RAPGEF6: variants seen among roughly 807,000 people sequenced by gnomAD.
RAPGEF6 encodes Rap guanine nucleotide exchange factor 6.
Under a neutral mutation model 171.4 loss-of-function variants are expected in RAPGEF6, and 56 were observed. That is an observed-to-expected ratio of 0.33 (90% CI 0.26 to 0.41). The LOEUF is 0.41. RAPGEF6 is among the 10% of genes least tolerant of loss of function. The probability of loss-of-function intolerance (pLI) is 1.00; values close to 1 mark genes in which losing one functional copy is unlikely to be tolerated. For missense variants in RAPGEF6, 1,674 were observed against 1,921.4 expected, an observed-to-expected ratio of 0.87 and a Z score of 2.41; for synonymous variants, 692 against 650.1, an observed-to-expected ratio of 1.06 and a Z score of -0.98.
intron 6 of RAPGEF6, among the ~76,000 whole-genome samples, chr5:131,523,962 C>T (rs1554078646): frequency 6.6e-6 from 1 of 152,096 alleles, no homozygotes; most frequent in Non-Finnish European, 1.5e-5. Context: ...AGCAATTAAA[C>T]TGACAGCTGG....
chr5:131,606,306 G>A (rs929798778), intron 1 of RAPGEF6, among the ~76,000 whole-genome samples: 1 of 147,750 alleles, frequency 6.8e-6, no homozygotes. Context: ...AGAAGTTGCA[G>A]TGAGCCGAGA....
At chr5:131,556,453 T>C (rs1394106861) in intron 5 of RAPGEF6, among the ~76,000 whole-genome samples, 1 of 151,936 alleles carries the variant, frequency 6.6e-6, no homozygotes, top group East Asian at 1.9e-4. Flanking sequence ...ACACCAACAA[T>C]GAGACAACTG....
At chr5:131,574,409 G>C (rs1330244110) in intron 4 of RAPGEF6, among the ~76,000 whole-genome samples, 11 of 152,142 alleles carry the variant, frequency 7.2e-5, no homozygotes, top group Admixed American at 7.2e-4. Context: ...TCTTACAGTG[G>C]AGGGTAAGTC....
At chr5:131,601,954 G>A (rs1210753414) in intron 3 of RAPGEF6, among the ~76,000 whole-genome samples, 2 of 149,996 alleles carry the variant, frequency 1.3e-5, no homozygotes, top group Non-Finnish European at 2.9e-5. Context: ...AGAATGGCAC[G>A]AACCCAGGAG....
intron 22 of RAPGEF6, among the ~76,000 whole-genome samples, chr5:131,445,815 G>A (rs192518064): frequency 1.8e-4 from 28 of 152,050 alleles, no homozygotes; most frequent in African/African-American, 6.8e-4. Context: ...TAGGTTTCTA[G>A]GTGTGACCCA....
intron 4 of RAPGEF6, among the ~76,000 whole-genome samples, chr5:131,576,244 C>T (rs950598729): frequency 6.6e-5 from 10 of 152,270 alleles, no homozygotes; most frequent in Admixed American, 1.3e-4. Context: ...AAGGCCCAAT[C>T]GTTAGTCATC....
At position 131,423,988 on chromosome 5, in the gene RAPGEF6, A is replaced by G. The variant is rs1164695549; in HGVS notation, c.*3278T>C. On this transcript the variant is annotated 3_prime_UTR_variant, in exon 28 of 28. Transcript: ENST00000509018. ...TATGATAATAATAAATGGTATTTTT[A>G]CATTCTCTTAACCAAAAATATAACA... The G allele has an allele frequency of 6.6e-6, 1 of 152,332 alleles. No individual in the cohort carries two copies. Among genetic ancestry groups the G allele is most frequent in the East Asian group, 1.9e-4 (1 of 5,304 alleles). The allele number at this position is 152,332 out of a possible 1,614,324, so 9.4% of individuals were successfully genotyped here. A position where few individuals can be genotyped will look rare whatever the true frequency, so the allele number is the denominator to read the frequency against.
At chr5:131,438,285 C>A (rs1752151238) in intron 24 of RAPGEF6, among the ~76,000 whole-genome samples, 1 of 152,176 alleles carries the variant, frequency 6.6e-6, no homozygotes, top group African/African-American at 2.4e-5. Context: ...GGAAACCTGA[C>A]CGTATAAATA....
chr5:131,471,334 C>T (rs899132967), intron 17 of RAPGEF6, among the ~76,000 whole-genome samples: 1 of 152,128 alleles, frequency 6.6e-6, no homozygotes, highest in African/African-American at 2.4e-5. Context: ...AAGGAAGAAA[C>T]CATGTGCAGA....
At chr5:131,540,871 T>A (rs1760088766) in intron 6 of RAPGEF6, among the ~76,000 whole-genome samples, 2 of 152,152 alleles carry the variant, frequency 1.3e-5, no homozygotes, top group Non-Finnish European at 2.9e-5. Flanking sequence ...ATATTAAAAA[T>A]TCAATTCACA....
At chr5:131,589,532 T>C (rs1243222735) in intron 4 of RAPGEF6, among the ~76,000 whole-genome samples, 1 of 152,228 alleles carries the variant, frequency 6.6e-6, no homozygotes, top group Non-Finnish European at 1.5e-5. Flanking sequence ...CAAGTGTGTT[T>C]AGAAGCATTC....
intron 7 of RAPGEF6, among the ~76,000 whole-genome samples, chr5:131,519,469 T>C (rs1466145035): frequency 1.3e-5 from 2 of 152,148 alleles, no homozygotes; most frequent in Admixed American, 6.5e-5. Context: ...TGGCATGCTC[T>C]TGGCTTGCTG....
In RAPGEF6 at chr5:131,464,197, T is replaced by C. The variant is rs780537141; in HGVS notation, c.2324A>G (p.Glu775Gly). 13 of 1,613,870 alleles carry C rather than the reference T, an allele frequency of 8.1e-6. No individual in the cohort carries two copies. Among genetic ancestry groups the C allele is most frequent in the Non-Finnish European group, 1.1e-5 (13 of 1,179,822 alleles). Residue 775 changes from glutamate (E) to glycine (G), a missense_variant, in exon 18 of 28, where the codon GAA (glutamate) becomes GGA (glycine). Around this residue, in one of 3 missense-constraint regions of RAPGEF6, gnomAD observed 1,116 missense variants for 1,321.5 expected, o/e 0.84. Transcript: ENST00000509018. ...IIISKDTTAK[E>G]VVFHAVHEFG... Reference sequence around the variant, plus strand: ...TTCATGAACAGCATGAAAAACTACTTCTTTAGCTGTGGTGTCTTTACTGAT... The same window carrying C: ...TTCATGAACAGCATGAAAAACTACTCCTTTAGCTGTGGTGTCTTTACTGAT...
chr5:131,590,390 C>A (rs1218201587), intron 4 of RAPGEF6, among the ~76,000 whole-genome samples: 1 of 152,108 alleles, frequency 6.6e-6, no homozygotes, highest in Admixed American at 6.5e-5. Flanking sequence ...GCGACTCTGT[C>A]TCAAATTTAA....
chr5:131,493,930 G>A (rs893785861), intron 13 of RAPGEF6, among the ~76,000 whole-genome samples: 1 of 152,112 alleles, frequency 6.6e-6, no homozygotes, highest in Non-Finnish European at 1.5e-5. Flanking sequence ...TCCCCATTTT[G>A]TATAGAGCAC....
intron 5 of RAPGEF6, among the ~76,000 whole-genome samples, chr5:131,555,293 C>T (rs1275316337): frequency 6.6e-6 from 1 of 152,166 alleles, no homozygotes; most frequent in Non-Finnish European, 1.5e-5. Flanking sequence ...AAAATCTGAG[C>T]TCTATAACCA....
chr5:131,475,916 G>A (rs1005990514), intron 16 of RAPGEF6, among the ~76,000 whole-genome samples: 1 of 152,120 alleles, frequency 6.6e-6, no homozygotes, highest in East Asian at 1.9e-4. Context: ...TCTGTTCTTG[G>A]TGCCTCTTCC....
At chr5:131,626,713 C>T (rs1765952430) in intron 1 of RAPGEF6, among the ~76,000 whole-genome samples, 1 of 152,068 alleles carries the variant, frequency 6.6e-6, no homozygotes, top group Admixed American at 6.6e-5. Context: ...CTCCTCTCTA[C>T]AACCTTGGTT....
intron 17 of RAPGEF6, among the ~76,000 whole-genome samples, chr5:131,464,764 C>T (rs1580865819): frequency 6.6e-6 from 1 of 152,272 alleles, no homozygotes; most frequent in East Asian, 1.9e-4. Flanking sequence ...TCTACTTCCT[C>T]CGTGAAAATT....
Sources: allele counts gnomAD v4.1 joint callset (sites outside exome capture counted in the v4.1 genomes callset), GRCh38; gene constraint gnomAD v4.1.1; regional missense constraint gnomAD v4.1.1; transcripts MANE v1.5; gene names NCBI Gene and HGNC (gene_info 2026-07-23, HGNC 2026-07-21).